Variants in SUGCT observed in about 807,000 individuals in gnomAD.
SUGCT encodes succinyl-CoA:glutarate-CoA transferase.
Under a neutral mutation model 55.0 loss-of-function variants are expected in SUGCT, and 41 were observed. The observed-to-expected ratio is 0.74, with a 90% CI of 0.58 to 0.97. The LOEUF (loss-of-function observed/expected upper bound fraction) is 0.97, where lower values mean the gene tolerates loss of function less well. Among genes scored for constraint, SUGCT ranks in the 50% least tolerant of loss-of-function variants. SUGCT has a pLI of 0.00. For missense variants in SUGCT, 568 were observed against 547.8 expected, an observed-to-expected ratio of 1.04 and a Z score of -0.37; for synonymous variants, 187 against 200.4, an observed-to-expected ratio of 0.93 and a Z score of 0.56.
In SUGCT at chr7:40,196,963, T is replaced by C. The variant is rs578246027; in HGVS notation, c.484+1903T>C. Reference sequence around the variant, plus strand: ...GAGTCTCCTGCCTCAGCCACCCGAGTAGATGGGATTACGGGCATGTACCAC... The same window carrying C: ...GAGTCTCCTGCCTCAGCCACCCGAGCAGATGGGATTACGGGCATGTACCAC... On this transcript the variant is annotated intron_variant, in intron 6 of 13. Coordinates refer to ENST00000335693, the MANE Select transcript of SUGCT (RefSeq NM_001193313.2). Among the ~76,000 whole-genome samples the C allele has an allele frequency of 3.9e-5, 6 of 152,094 alleles. No homozygotes were observed. The East Asian group carries it at 1.2e-3, about 29-fold the overall frequency.
chr7:40,456,910 T>C (rs1404127713), intron 10 of SUGCT, among the ~76,000 whole-genome samples: 3 of 152,170 alleles, frequency 2.0e-5, no homozygotes, highest in African/African-American at 7.2e-5. Flanking sequence ...GTGTAGAACC[T>C]TCCAGACTAT....
intron 7 of SUGCT, among the ~76,000 whole-genome samples, chr7:40,266,337 G>A (rs1239105464): frequency 6.6e-6 from 1 of 151,268 alleles, no homozygotes; most frequent in Non-Finnish European, 1.5e-5. Context: ...TTAGTAGAGA[G>A]GGAGTTTCTC....
At chr7:40,550,261 A>C (rs1201019908) in intron 12 of SUGCT, among the ~76,000 whole-genome samples, 2 of 152,164 alleles carry the variant, frequency 1.3e-5, no homozygotes, top group Non-Finnish European at 2.9e-5. Context: ...ATGGGATATG[A>C]ATGCCTTCTC....
At chr7:40,615,125 A>C (rs1798939790) in intron 12 of SUGCT, among the ~76,000 whole-genome samples, 1 of 152,042 alleles carries the variant, frequency 6.6e-6, no homozygotes, top group African/African-American at 2.4e-5. Flanking sequence ...TTACAAACAC[A>C]CTGCTAATTC....
the SUGCT span, among the ~76,000 whole-genome samples, chr7:40,942,697 C>G: frequency 6.6e-6 from 1 of 151,972 alleles, no homozygotes; most frequent in African/African-American, 2.4e-5. Context: ...GAACACTAAT[C>G]ATTCTTTGGT....
intron 6 of SUGCT, among the ~76,000 whole-genome samples, chr7:40,230,796 T>C (rs1788681070): frequency 1.3e-5 from 2 of 152,174 alleles, no homozygotes; most frequent in Non-Finnish European, 2.9e-5. Context: ...CATAAATATA[T>C]ATAAACATCT....
rs370449710 is a variant in SUGCT at position 40,567,520 on chromosome 7, T to C, written c.1089+71134T>C. Among the ~76,000 whole-genome samples, 5 of 152,214 alleles carry C rather than the reference T, an allele frequency of 3.3e-5. No homozygotes were observed. The East Asian group carries it at 9.6e-4, about 29-fold the overall frequency. ...GCCTAGATATTATCTGAAAAGTTAC[T>C]GAATAGGGGATTTCTTCTAGCACTC... is the stretch of plus-strand genomic sequence containing the variant. On this transcript the variant is annotated intron_variant, in intron 12 of 13. Coordinates refer to ENST00000335693, the MANE Select transcript of SUGCT (RefSeq NM_001193313.2).
At chr7:40,686,038 C>A (rs889396174) in intron 12 of SUGCT, among the ~76,000 whole-genome samples, 1 of 152,166 alleles carries the variant, frequency 6.6e-6, no homozygotes, top group Non-Finnish European at 1.5e-5. Flanking sequence ...TGTCTGCATT[C>A]ACACTCTCGT....
chr7:40,180,949 A>G lies in SUGCT; in HGVS notation c.103A>G (p.Met35Val), dbSNP rs372464576. ...AAATGTTTTCTCTGTTTTGCCAGAT[A>G]TGAACAATATAAAGCCATTGGAAGG... Reference protein sequence around the residue: ...GLWTGRPQSDMNNIKPLEGVK... With the variant: ...GLWTGRPQSDVNNIKPLEGVK... The change falls in exon 2 of 14, where the codon ATG (methionine) becomes GTG (valine). Residue 35 changes from methionine (M) to valine (V), a missense_variant and splice_region_variant. Met to Val is a conservative substitution (Grantham distance 21). Transcript: ENST00000335693. 47 of 1,605,364 alleles carry G rather than the reference A, an allele frequency of 2.9e-5. No individual in the cohort carries two copies. The highest frequency in any genetic ancestry group is 3.8e-5 in the Non-Finnish European group (45 of 1,172,694).
Position 40,613,870 on chromosome 7 carries a change from G to C in SUGCT, c.1089+117484G>C, listed in dbSNP as rs778996337. 1.6e-4 allele frequency among the ~76,000 whole-genome samples: 24 copies of C among 152,166 alleles called. 1 individual carries two copies. The highest frequency in any genetic ancestry group is 2.5e-4 in the Non-Finnish European group (17 of 68,036). On this transcript the variant is annotated intron_variant, in intron 12 of 13. Coordinates refer to ENST00000335693, the MANE Select transcript of SUGCT (RefSeq NM_001193313.2). ...GATCCGCCCTCCTCGGCCTCCCGAA[G>C]TGCTGTGATTACAGGTGTGAGCCAC...
At chr7:40,984,595 T>C in the SUGCT span, among the ~76,000 whole-genome samples, 4 of 152,186 alleles carry the variant, frequency 2.6e-5, no homozygotes, top group African/African-American at 9.6e-5. Flanking sequence ...TACATCCACA[T>C]CTGAGTAATG....
intron 10 of SUGCT, among the ~76,000 whole-genome samples, chr7:40,456,001 G>A (rs911277529): frequency 6.6e-5 from 10 of 151,996 alleles, no homozygotes; most frequent in African/African-American, 2.2e-4. Flanking sequence ...CTTTTAAGAA[G>A]CAACTATATT....
At chr7:40,831,529 C>T (rs1332596088) in intron 13 of SUGCT, among the ~76,000 whole-genome samples, 2 of 152,188 alleles carry the variant, frequency 1.3e-5, no homozygotes, top group African/African-American at 4.8e-5. Flanking sequence ...AACACATTTC[C>T]CCATAGAAAC....
chr7:40,695,819 C>T (rs141816523), intron 12 of SUGCT, among the ~76,000 whole-genome samples: 3 of 152,108 alleles, frequency 2.0e-5, no homozygotes, highest in Non-Finnish European at 4.4e-5. Flanking sequence ...CCGGTAGGAA[C>T]CCCTTCACTC....
At chr7:40,894,861 T>C in the SUGCT span, among the ~76,000 whole-genome samples, 3 of 152,196 alleles carry the variant, frequency 2.0e-5, no homozygotes, top group Non-Finnish European at 2.9e-5. Context: ...ACACTGCTGG[T>C]GGGAATATAA....
chr7:40,919,568 A>C, the SUGCT span, among the ~76,000 whole-genome samples: 1 of 152,076 alleles, frequency 6.6e-6, no homozygotes, highest in African/African-American at 2.4e-5. Context: ...CATTGCCCCC[A>C]CTCCAATACA....
the SUGCT span, among the ~76,000 whole-genome samples, chr7:40,950,753 T>G: frequency 6.6e-6 from 1 of 152,200 alleles, no homozygotes; most frequent in Non-Finnish European, 1.5e-5. Flanking sequence ...ATATGCTGGA[T>G]TACGTTTATT....
chr7:40,620,699 G>A (rs1462463270), intron 12 of SUGCT, among the ~76,000 whole-genome samples: 3 of 152,012 alleles, frequency 2.0e-5, no homozygotes, highest in South Asian at 2.1e-4. Context: ...CACCACGCCC[G>A]GCCAATAACT....
intron 9 of SUGCT, among the ~76,000 whole-genome samples, chr7:40,320,236 A>T (rs1795655666): frequency 1.4e-5 from 2 of 145,944 alleles, no homozygotes; most frequent in South Asian, 4.6e-4. Flanking sequence ...CCTCCTGAGT[A>T]GCTGGGATTA....
Sources: gnomAD v4.1 joint callset for allele counts (sites outside exome capture counted in the v4.1 genomes callset) on GRCh38, gnomAD v4.1.1 for gene constraint, MANE v1.5 for transcripts, NCBI Gene and HGNC (gene_info 2026-07-23, HGNC 2026-07-21) for gene names.